Variants in APCDD1 observed in about 807,000 individuals in gnomAD.
The protein encoded by APCDD1 is protein APCDD1.
A neutral mutation model predicts 38.1 loss-of-function variants in APCDD1; 15 were observed. The ratio of observed to expected loss-of-function variants is 0.39; its 90% CI spans 0.26 to 0.61. The LOEUF (loss-of-function observed/expected upper bound fraction) is 0.61, where lower values mean the gene tolerates loss of function less well. Ranked by LOEUF, APCDD1 falls within the 20% of genes least tolerant of loss-of-function variation. The pLI is 0.49. For synonymous variants in APCDD1, 261 were observed against 279.7 expected (o/e 0.93, Z 0.67); for missense variants, 647 against 696.2 (o/e 0.93, Z 0.79).
At position 10,487,670 on chromosome 18, in the gene APCDD1, G is replaced by A. The variant is rs1361536724; in HGVS notation, c.1177G>A (p.Glu393Lys). 27 of 1,614,040 alleles carry A rather than the reference G, an allele frequency of 1.7e-5. No homozygotes were observed. Among genetic ancestry groups the A allele is most frequent in the South Asian group, 2.2e-5 (2 of 91,094 alleles). ...CTTCAACGGGAATGAGTGCGGGGCCGAGGGCTCCTGGCAGGTGGGCATCCA... is the reference window on the plus strand; with the variant it reads ...CTTCAACGGGAATGAGTGCGGGGCCAAGGGCTCCTGGCAGGTGGGCATCCA... ...NVFNGNECGA[E>K]GSWQVGIQQD... The change falls in exon 5 of 5, where the codon GAG becomes AAG. Residue 393 changes from glutamate (E) to lysine (K), a missense_variant. By Grantham distance (56) the Glu-to-Lys change is moderately conservative (BLOSUM62 1). Transcript: ENST00000355285.
intron 1 of APCDD1, among the ~76,000 whole-genome samples, chr18:10,456,245 C>T (rs1031665719): frequency 1.3e-4 from 20 of 152,084 alleles, no homozygotes; most frequent in African/African-American, 4.6e-4. Flanking sequence ...CCCAGTGATC[C>T]CAGAATTTTA....
rs182336024 is a variant in APCDD1, at chr18:10,471,431, C to T, written c.243-99C>T. ...ACAACAGAGTCTGGCCCATCGTCAGCACTTTATTATTATTTCTGTAATTTC... is the reference window on the plus strand; with the variant it reads ...ACAACAGAGTCTGGCCCATCGTCAGTACTTTATTATTATTTCTGTAATTTC... On this transcript the variant is annotated intron_variant, in intron 2 of 4. Coordinates refer to ENST00000355285, the MANE Select transcript of APCDD1 (RefSeq NM_153000.5). This position sits in a 1 kb window ranked among gnomAD's most constrained non-coding sequence, Gnocchi z 5.5. 4.0e-6 allele frequency: 6 copies of T among 1,494,672 alleles called. No homozygotes were observed. The African/African-American group carries it at 8.3e-5, about 21-fold the overall frequency. 92.6% of individuals were successfully genotyped at this position (1,494,672 alleles called of 1,614,324 possible).
At chr18:10,480,264 T>A (rs760215100) in intron 3 of APCDD1, among the ~76,000 whole-genome samples, 3 of 152,184 alleles carry the variant, frequency 2.0e-5, no homozygotes, top group African/African-American at 4.8e-5. Context: ...CAATCACTCA[T>A]CATGTTTAAA....
chr18:10,463,535 G>C (rs202163719), intron 1 of APCDD1, among the ~76,000 whole-genome samples: 2 of 152,246 alleles, frequency 1.3e-5, no homozygotes, highest in East Asian at 3.9e-4. Context: ...GGGGTTTACC[G>C]GTCTAACTTT....
chr18:10,480,923 C>T (rs2031120671), intron 3 of APCDD1, among the ~76,000 whole-genome samples: 1 of 147,952 alleles, frequency 6.8e-6, no homozygotes, highest in South Asian at 2.2e-4. Flanking sequence ...GGTAACTAGT[C>T]AACAACCAAA....
rs143272559 is a variant in APCDD1, at chr18:10,474,985, G to C, written c.774+2924G>C. On this transcript the variant is annotated intron_variant, in intron 3 of 4. Transcript: ENST00000355285. Reference sequence around the variant, plus strand: ...CTGGAAGCCAGTTCTGCTGTCATCAGCCGTGTGGCATTGGTAGTTATCTGA... The same window carrying C: ...CTGGAAGCCAGTTCTGCTGTCATCACCCGTGTGGCATTGGTAGTTATCTGA... Among the ~76,000 whole-genome samples, 10 of 152,364 alleles carry C rather than the reference G, an allele frequency of 6.6e-5. 1 individual carries two copies. In the East Asian group the frequency reaches 1.5e-3, roughly 23 times the overall value.
chr18:10,477,083 G>C (rs2143547713), intron 3 of APCDD1: 1 of 152,402 alleles, frequency 6.6e-6, no homozygotes, highest in Admixed American at 6.5e-5. Context: ...TGGGTGGGTG[G>C]GCGGCTGCGT....
chr18:10,480,730 T>C (rs554904274), intron 3 of APCDD1, among the ~76,000 whole-genome samples: 13 of 151,744 alleles, frequency 8.6e-5, no homozygotes, highest in East Asian at 1.9e-4. Context: ...TATCCAGTCA[T>C]GGTGGTGCAC....
At chr18:10,481,517 G>A (rs1053702366) in intron 3 of APCDD1, among the ~76,000 whole-genome samples, 1 of 152,092 alleles carries the variant, frequency 6.6e-6, no homozygotes, top group Admixed American at 6.5e-5. Context: ...GAGAATGGAG[G>A]TTTCCAGGGG....
rs1227648734 is a variant in APCDD1, at chr18:10,472,991, G to T, written c.774+930G>T. 6.6e-6 allele frequency among the ~76,000 whole-genome samples: 1 copy of T among 152,138 alleles called. No homozygotes were observed. Among genetic ancestry groups the T allele is most frequent in the Admixed American group, 6.5e-5 (1 of 15,288 alleles). On this transcript the variant is annotated intron_variant, in intron 3 of 4. Coordinates refer to ENST00000355285, the MANE Select transcript of APCDD1 (RefSeq NM_153000.5). The surrounding 1 kb of genome is among the most constrained non-coding windows in gnomAD (Gnocchi z 6.6). ...CGGGCCTGCTGCGGGTGGGCGGTGG[G>T]CAGGTCTCTGTGGAGTATCTCCCCG...
rs1026505515 is a variant in APCDD1, at chr18:10,454,670, A to T, written c.-312A>T. On this transcript the variant is annotated 5_prime_UTR_variant, in exon 1 of 5. Coordinates refer to ENST00000355285, the MANE Select transcript of APCDD1 (RefSeq NM_153000.5). ...TGCAGCTGCGGTGGCGGTGGCGGCC[A>T]CTGCAGCTCAGAGCGGCGCACGCGG... is the stretch of plus-strand genomic sequence containing the variant. 7.4e-4 allele frequency: 749 copies of T among 1,008,054 alleles called. 1 individual carries two copies. Among genetic ancestry groups the T allele is most frequent in the Non-Finnish European group, 8.5e-4 (718 of 846,700 alleles). The allele number at this position is 1,008,054 out of a possible 1,614,324, so 62.4% of individuals were successfully genotyped here.
intron 1 of APCDD1, among the ~76,000 whole-genome samples, chr18:10,466,643 G>T (rs1941162): frequency 0.5 from 75,373 of 152,060 alleles, 18,904 homozygotes; most frequent in East Asian, 0.64. Context: ...GAATGAGGGA[G>T]GGGGAGGGAA....
At position 10,470,378 on chromosome 18, in the gene APCDD1, G is replaced by A. The variant is rs2030822378; in HGVS notation, c.243-1152G>A. On this transcript the variant is annotated intron_variant, in intron 2 of 4. Transcript: ENST00000355285. The surrounding 1 kb of genome is among the most constrained non-coding windows in gnomAD (Gnocchi z 4.1). The stretch of plus-strand genomic sequence containing the variant: ...TTACAGATACCCCAGGTACTGTTGA[G>A]TGCTTTATGTCCATAGGATGTTACT... 6.6e-6 allele frequency among the ~76,000 whole-genome samples: 1 copy of A among 152,146 alleles called. No homozygotes were observed. Among genetic ancestry groups the A allele is most frequent in the Non-Finnish European group, 1.5e-5 (1 of 68,034 alleles).
chr18:10,458,395 G>C (rs1226125206), intron 1 of APCDD1, among the ~76,000 whole-genome samples: 1 of 152,060 alleles, frequency 6.6e-6, no homozygotes, highest in African/African-American at 2.4e-5. Context: ...GTTTATACAG[G>C]GTAAAATAGA....
intron 2 of APCDD1, 116 bp downstream of exon 2, chr18:10,468,768 C>G (rs982564545): frequency 6.1e-6 from 7 of 1,156,098 alleles, no homozygotes; most frequent in African/African-American, 1.5e-5. Flanking sequence ...TAGGTGTTGT[C>G]CAAGTTCTAA....
intron 1 of APCDD1, among the ~76,000 whole-genome samples, chr18:10,461,069 C>T (rs992970122): frequency 1.3e-5 from 2 of 148,392 alleles, no homozygotes; most frequent in African/African-American, 4.9e-5. Context: ...TCTCTGGTAG[C>T]CTATGGTGAT....
rs2030736519 is a variant in APCDD1 at position 10,467,188 on chromosome 18, G to T, written c.59-1281G>T. On this transcript the variant is annotated intron_variant, in intron 1 of 4. Coordinates refer to ENST00000355285, the MANE Select transcript of APCDD1 (RefSeq NM_153000.5). This position sits in a 1 kb window ranked among gnomAD's most constrained non-coding sequence, Gnocchi z 4.8. ...CTGCAGGTCTCAGTTTATCCAGGTA[G>T]ATTTTCGTCATGTTGCTGTAAGTGA... Among the ~76,000 whole-genome samples, 1 of 152,198 alleles carries T rather than the reference G, an allele frequency of 6.6e-6. No individual in the cohort carries two copies. Among genetic ancestry groups the T allele is most frequent in the Non-Finnish European group, 1.5e-5 (1 of 68,042 alleles).
In APCDD1 at chr18:10,488,407, A is replaced by G. The variant is rs961383295; in HGVS notation, c.*369A>G. ...ACTTAGAAGAAACAACTATCAAGCT[A>G]CAACTTTTCCTGCCATTTTCCTGTG... is the stretch of plus-strand genomic sequence containing the variant. On this transcript the variant is annotated 3_prime_UTR_variant, in exon 5 of 5. Transcript: ENST00000355285. 1.1e-5 allele frequency: 2 copies of G among 189,222 alleles called. No individual in the cohort carries two copies. The highest frequency in any genetic ancestry group is 5.6e-5 in the Admixed American group (1 of 17,916). The allele number at this position is 189,222 out of a possible 1,614,324, so 11.7% of individuals were successfully genotyped here.
intron 1 of APCDD1, among the ~76,000 whole-genome samples, chr18:10,466,259 G>A (rs150325256): frequency 3.9e-5 from 6 of 152,358 alleles, no homozygotes; most frequent in Admixed American, 3.9e-4. Context: ...AACTACAACT[G>A]TTGAGGCTGG....
Sources: gnomAD v4.1 joint callset for allele counts (sites outside exome capture counted in the v4.1 genomes callset) on GRCh38, gnomAD v4.1.1 for gene constraint, Gnocchi (gnomAD v3.1) non-coding constraint, MANE v1.5 for transcripts, NCBI Gene and HGNC (gene_info 2026-07-23, HGNC 2026-07-21) for gene names.